Variants in ZNF723 observed in about 807,000 individuals in gnomAD.
ZNF723 encodes the protein zinc finger protein 723.
ZNF723 carries 5 observed loss-of-function variants against 9.4 expected under a neutral mutation model. The ratio of observed to expected loss-of-function variants is 0.53; its 90% CI spans 0.28 to 1.12. The LOEUF (loss-of-function observed/expected upper bound fraction) is 1.12. Among genes scored for constraint, ZNF723 ranks in the 50% most tolerant of loss-of-function variants. ZNF723 has a pLI of 0.10. For missense variants in ZNF723, 450 were observed against 501.5 expected (o/e 0.90, Z 0.98); for synonymous variants, 158 against 168.8 (o/e 0.94, Z 0.49).
the ZNF723 span, among the ~76,000 whole-genome samples, chr19:22,816,973 T>C: frequency 6.6e-6 from 1 of 152,238 alleles, no homozygotes; most frequent in Non-Finnish European, 1.5e-5. Context: ...AGCACCTAGG[T>C]GATGCGGCTA....
chr19:22,820,653 G>T, the ZNF723 span, among the ~76,000 whole-genome samples: 2 of 151,962 alleles, frequency 1.3e-5, no homozygotes, highest in African/African-American at 4.8e-5. Context: ...TAAGATCCTG[G>T]GTCTCCTGTT....
chr19:22,842,464 A>C (rs1243308859), intron 1 of ZNF723, among the ~76,000 whole-genome samples: 1 of 152,124 alleles, frequency 6.6e-6, no homozygotes, highest in Non-Finnish European at 1.5e-5. Flanking sequence ...ATATAATAAA[A>C]ATTTCTGGTA....
In ZNF723 at chr19:22,833,840, A is replaced by G. The variant is rs528578886; in HGVS notation, c.3+1458A>G. Among the ~76,000 whole-genome samples, 4 of 147,020 alleles carry G rather than the reference A, an allele frequency of 2.7e-5. No individual in the cohort carries two copies. The South Asian group carries it at 6.6e-4, about 24-fold the overall frequency. ...AGGCTGGTCTTGAACTCCTGACCTCAGGTGATCCACCCGCCTCGACCTCCT... is the reference window on the plus strand; with the variant it reads ...AGGCTGGTCTTGAACTCCTGACCTCGGGTGATCCACCCGCCTCGACCTCCT... On this transcript the variant is annotated intron_variant, in intron 1 of 3. Transcript: ENST00000600766.
At chr19:22,844,510 A>G (rs1435709671) in intron 1 of ZNF723, among the ~76,000 whole-genome samples, 2 of 152,320 alleles carry the variant, frequency 1.3e-5, no homozygotes, top group Non-Finnish European at 2.9e-5. Context: ...ATAATGTATT[A>G]TTCGTATTAG....
chr19:22,830,284 G>C (rs925551035), upstream of ZNF723, among the ~76,000 whole-genome samples: 2 of 152,024 alleles, frequency 1.3e-5, no homozygotes, highest in Non-Finnish European at 2.9e-5. Flanking sequence ...CAATCCTCCT[G>C]GTTCAGTAAC....
upstream of ZNF723, chr19:22,832,252 G>A: frequency 9.6e-7 from 1 of 1,037,144 alleles, no homozygotes; most frequent in Non-Finnish European, 1.4e-6. Flanking sequence ...CAGACCCGCA[G>A]CTAGAGCGGA....
chr19:22,813,224 A>T, the ZNF723 span, among the ~76,000 whole-genome samples: 3 of 152,164 alleles, frequency 2.0e-5, no homozygotes, highest in Non-Finnish European at 2.9e-5. Flanking sequence ...GAAATGGGAC[A>T]TGTGTAAGAT....
intron 1 of ZNF723, among the ~76,000 whole-genome samples, chr19:22,844,581 T>C (rs1170536939): frequency 6.6e-6 from 1 of 152,234 alleles, no homozygotes; most frequent in Non-Finnish European, 1.5e-5. Context: ...AGTACATGTG[T>C]ATATGTTGTT....
At chr19:22,846,813 CTTTTTT>C (rs760924027) in intron 1 of ZNF723, among the ~76,000 whole-genome samples, 24 of 69,134 alleles carry the variant, frequency 3.5e-4, no homozygotes, top group African/African-American at 6.6e-4. Context: ...CTATAATTTC[CTTTTTT>C]TTTTTTTTTT....
chr19:22,828,568 G>A (rs12971932), upstream of ZNF723, among the ~76,000 whole-genome samples: 524 of 152,086 alleles, frequency 3.4e-3, 1 homozygote, highest in Middle Eastern at 0.01. Context: ...CAAGAGAATC[G>A]CTTGAACCCA....
the ZNF723 span, among the ~76,000 whole-genome samples, chr19:22,812,812 C>T: frequency 6.6e-6 from 1 of 152,124 alleles, no homozygotes; most frequent in Non-Finnish European, 1.5e-5. Flanking sequence ...GATGCTCAGA[C>T]CAATATTCAG....
chr19:22,842,272 T>C (rs530599193), intron 1 of ZNF723, among the ~76,000 whole-genome samples: 2 of 152,290 alleles, frequency 1.3e-5, no homozygotes, highest in Admixed American at 1.3e-4. Flanking sequence ...TCCAAAGTGC[T>C]GGAAAATTAC....
chr19:22,838,011 T>C (rs933753243), intron 1 of ZNF723, among the ~76,000 whole-genome samples: 2 of 152,174 alleles, frequency 1.3e-5, no homozygotes, highest in Admixed American at 6.5e-5. Flanking sequence ...TCTCCACCCA[T>C]TGAGTTCCTT....
chr19:22,818,367 C>A, the ZNF723 span, among the ~76,000 whole-genome samples: 1 of 152,058 alleles, frequency 6.6e-6, no homozygotes, highest in African/African-American at 2.4e-5. Flanking sequence ...AACCTCACAC[C>A]CAGAAGAACT....
At chr19:22,839,614 C>T (rs1440799681) in intron 1 of ZNF723, among the ~76,000 whole-genome samples, 1 of 151,930 alleles carries the variant, frequency 6.6e-6, no homozygotes, top group Non-Finnish European at 1.5e-5. Flanking sequence ...GCTGGGATTA[C>T]AGGCATTTGC....
Position 22,857,164 on chromosome 19 carries a change from A to G in ZNF723, c.273A>G (p.Ile91Met). The G allele has an allele frequency of 4.9e-6, 5 of 1,029,990 alleles. No homozygotes were observed. 63.8% of individuals were successfully genotyped at this position (1,029,990 alleles called of 1,614,324 possible). ...AAGACCTTTGGCCAGAGCAGGGCAT[A>G]AAAGATTCTTTCCAAAAAGTAATAC... is the stretch of plus-strand genomic sequence containing the variant. Reference protein sequence around the residue: ...FAQDLWPEQGIKDSFQKVILR... With the variant: ...FAQDLWPEQGMKDSFQKVILR... The change falls in exon 4 of 4, where the codon ATA (isoleucine) becomes ATG (methionine). Residue 91 changes from isoleucine (I) to methionine (M), a missense_variant. By Grantham distance (10) the Ile-to-Met change is conservative (BLOSUM62 1). Around this residue, in one of 5 missense-constraint regions of ZNF723, gnomAD observed 143 missense variants for 101.3 expected, o/e 1.41. Transcript: ENST00000600766.
chr19:22,858,324 A>G lies in ZNF723; in HGVS notation c.1433A>G (p.Glu478Gly). ...AAACATAAGATAATTCATGCTAGAG[A>G]GAAGCCTTACAAATGTGAAGAATGT... is the stretch of plus-strand genomic sequence containing the variant. ...LNKHKIIHAR[E>G]KPYKCEECGK... is the part of the protein sequence containing the mutation. Residue 478 changes from glutamate (E) to glycine (G), a missense_variant, in exon 4 of 4, where the codon GAG (glutamate) becomes GGG (glycine). Glu to Gly is a moderately conservative substitution (Grantham distance 98). Transcript: ENST00000600766. 8.8e-7 allele frequency: 1 copy of G among 1,130,018 alleles called. No homozygotes were observed. The highest frequency in any genetic ancestry group is 1.3e-5 in the South Asian group (1 of 78,374). 70.0% of individuals were successfully genotyped at this position (1,130,018 alleles called of 1,614,324 possible).
rs71163410 is a variant in ZNF723, at chr19:22,848,729, TTTTATTTATTTA to T, written c.130+376_130+387del. ...TCAGTGGTACTGGGTAGAGAAATTATTTTATTTATTTATTTATTTATTTATTTATTTATTTAT... is the reference window on the plus strand; with the variant it reads ...TCAGTGGTACTGGGTAGAGAAATTATTTTATTTATTTATTTATTTATTTAT... On this transcript the variant is annotated intron_variant, in intron 2 of 3. Coordinates refer to ENST00000600766, the MANE Select transcript of ZNF723 (RefSeq NM_001349726.2). Among the ~76,000 whole-genome samples, 619 of 143,060 alleles carry T rather than the reference TTTTATTTATTTA, an allele frequency of 4.3e-3. 1 individual carries two copies. The highest frequency in any genetic ancestry group is 0.013 in the African/African-American group (511 of 38,866). The allele number at this position is 143,060 out of a possible 152,430, so 93.9% of individuals were successfully genotyped here.
chr19:22,815,597 C>G, the ZNF723 span, among the ~76,000 whole-genome samples: 1 of 152,150 alleles, frequency 6.6e-6, no homozygotes, highest in African/African-American at 2.4e-5. Context: ...TGGTTGCTCC[C>G]TAGCCACAGG....
Sources: gnomAD v4.1 joint callset for allele counts (sites outside exome capture counted in the v4.1 genomes callset) on GRCh38, gnomAD v4.1.1 for gene constraint, gnomAD v4.1.1 regional missense constraint, MANE v1.5 for transcripts, NCBI Gene and HGNC (gene_info 2026-07-23, HGNC 2026-07-21) for gene names.